PLD5: variants seen among roughly 807,000 people sequenced by gnomAD.
PLD5 encodes inactive phospholipase D5.
Under a neutral mutation model 61.1 loss-of-function variants are expected in PLD5, and 36 were observed. The observed-to-expected ratio is 0.59, with a 90% CI of 0.45 to 0.78. PLD5 has a LOEUF of 0.78. PLD5 is among the 30% of genes least tolerant of loss of function. The pLI is 0.00. For synonymous variants in PLD5, 243 were observed against 242.8 expected, an observed-to-expected ratio of 1.00 and a Z score of -0.01; for missense variants, 515 against 644.4, an observed-to-expected ratio of 0.80 and a Z score of 2.17.
intron 5 of PLD5, among the ~76,000 whole-genome samples, chr1:242,152,177 T>G (rs954324877): frequency 1.3e-5 from 2 of 151,958 alleles, no homozygotes; most frequent in Non-Finnish European, 1.5e-5. Flanking sequence ...CGTTTCTGGG[T>G]TCTAGAGGCT....
At chr1:242,377,547 G>A (rs934971992) in intron 1 of PLD5, 36 of 558,876 alleles carry the variant, frequency 6.4e-5, no homozygotes, top group Non-Finnish European at 1.1e-4. Context: ...TAAGCAATAC[G>A]ATTTCATACT....
intron 1 of PLD5, among the ~76,000 whole-genome samples, chr1:242,438,105 T>C (rs970815445): frequency 2.0e-5 from 3 of 152,158 alleles, no homozygotes; most frequent in African/African-American, 7.2e-5. Flanking sequence ...GGGGCATTCG[T>C]AGATATCCTT....
intron 1 of PLD5, among the ~76,000 whole-genome samples, chr1:242,523,375 T>C (rs1266350618): frequency 6.6e-6 from 1 of 152,074 alleles, no homozygotes. Context: ...TAGCAAGCCT[T>C]AGGAGCTCAA....
chr1:242,331,251 G>A (rs1659152124), intron 2 of PLD5, among the ~76,000 whole-genome samples: 1 of 152,140 alleles, frequency 6.6e-6, no homozygotes, highest in East Asian at 1.9e-4. Context: ...AAGACATGGT[G>A]TCTCAAGTTT....
intron 1 of PLD5, among the ~76,000 whole-genome samples, chr1:242,506,765 G>A (rs1306876436): frequency 5.9e-5 from 9 of 152,168 alleles, no homozygotes; most frequent in Admixed American, 4.6e-4. Context: ...AGTGTGGAGC[G>A]AAATACTGGA....
chr1:242,480,257 G>T (rs1380117062), intron 1 of PLD5, among the ~76,000 whole-genome samples: 1 of 152,150 alleles, frequency 6.6e-6, no homozygotes, highest in Non-Finnish European at 1.5e-5. Context: ...AATCCAATTG[G>T]TGTAGGGGTA....
intron 1 of PLD5, among the ~76,000 whole-genome samples, chr1:242,466,624 G>A (rs1041468097): frequency 3.3e-5 from 5 of 152,084 alleles, no homozygotes; most frequent in Non-Finnish European, 5.9e-5. Flanking sequence ...TGGGCGCGGC[G>A]GCTCACACCT....
chr1:242,247,723 G>A (rs1441530886), intron 4 of PLD5, among the ~76,000 whole-genome samples: 1 of 152,052 alleles, frequency 6.6e-6, no homozygotes, highest in African/African-American at 2.4e-5. Context: ...CAGGCTGGGG[G>A]GCTTGGGATT....
chr1:242,093,572 A>G, intron 9 of PLD5, among the ~76,000 whole-genome samples: 1 of 152,146 alleles, frequency 6.6e-6, no homozygotes, highest in East Asian at 1.9e-4. Context: ...GCGGGAATAG[A>G]AAAATATCAG....
At chr1:242,414,964 CA>C (rs1363526285) in intron 1 of PLD5, among the ~76,000 whole-genome samples, 2 of 152,094 alleles carry the variant, frequency 1.3e-5, no homozygotes, top group African/African-American at 2.4e-5. Flanking sequence ...AGTTTCCAAG[CA>C]AATAAATGCA....
At chr1:242,156,181 T>C (rs964080599) in intron 5 of PLD5, among the ~76,000 whole-genome samples, 7 of 118,540 alleles carry the variant, frequency 5.9e-5, no homozygotes, top group Admixed American at 1.2e-4. Context: ...ACTCCTGCTC[T>C]TTTTTTGCTT....
chr1:242,459,851 T>TG (rs1203474613), intron 1 of PLD5, among the ~76,000 whole-genome samples: 1 of 152,006 alleles, frequency 6.6e-6, no homozygotes, highest in Non-Finnish European at 1.5e-5. Flanking sequence ...AAGGGATGCA[T>TG]GGGGGGCGCC....
chr1:242,520,161 G>A (rs980394750), intron 1 of PLD5, among the ~76,000 whole-genome samples: 2 of 152,124 alleles, frequency 1.3e-5, no homozygotes, highest in Non-Finnish European at 2.9e-5. Flanking sequence ...TTTCTGGGCG[G>A]AAGCATTGAA....
intron 1 of PLD5, among the ~76,000 whole-genome samples, chr1:242,484,810 A>T (rs1195527992): frequency 6.6e-6 from 1 of 152,230 alleles, no homozygotes; most frequent in African/African-American, 2.4e-5. Flanking sequence ...AAAATCCTCA[A>T]TAAAATACTG....
At chr1:242,236,790 C>T (rs1009484441) in intron 4 of PLD5, among the ~76,000 whole-genome samples, 43 of 152,186 alleles carry the variant, frequency 2.8e-4, no homozygotes, top group Admixed American at 6.5e-5. Flanking sequence ...GCTAAGCTAA[C>T]CCATACATGT....
At chr1:242,112,323 G>A (rs1215026011) in intron 7 of PLD5, among the ~76,000 whole-genome samples, 37 of 80,616 alleles carry the variant, frequency 4.6e-4, no homozygotes, top group African/African-American at 1.4e-3. Flanking sequence ...GTGTGTGTGT[G>A]TATGTATGTA....
At chr1:242,493,508 G>GAATGGAC (rs1668241846) in intron 1 of PLD5, among the ~76,000 whole-genome samples, 1 of 152,202 alleles carries the variant, frequency 6.6e-6, no homozygotes, top group African/African-American at 2.4e-5. Flanking sequence ...AGACACCTTT[G>GAATGGAC]GCAGGGAGGA....
intron 1 of PLD5, among the ~76,000 whole-genome samples, chr1:242,494,097 T>G (rs1169587088): frequency 1.7e-5 from 1 of 58,240 alleles, no homozygotes; most frequent in Non-Finnish European, 3.1e-5. Flanking sequence ...TCCCTTCCCC[T>G]CTCCTCCCCT....
intron 5 of PLD5, among the ~76,000 whole-genome samples, chr1:242,204,423 T>C (rs1478973110): frequency 1.3e-5 from 2 of 152,174 alleles, no homozygotes; most frequent in African/African-American, 4.8e-5. Flanking sequence ...TCCATGCCCC[T>C]TGACCGGGAC....
Sources: allele counts gnomAD v4.1 joint callset (sites outside exome capture counted in the v4.1 genomes callset), GRCh38; gene constraint gnomAD v4.1.1; transcripts MANE v1.5; gene names NCBI Gene and HGNC (gene_info 2026-07-23, HGNC 2026-07-21).